FAT2: variants seen among roughly 807,000 people sequenced by gnomAD.
FAT2 encodes the protein protocadherin Fat 2.
FAT2 carries 150 observed loss-of-function variants against 295.3 expected under a neutral mutation model. That is an observed-to-expected ratio of 0.51 (90% confidence interval 0.44 to 0.58). FAT2 has a LOEUF of 0.58. FAT2 is among the 20% of genes least tolerant of loss of function. The pLI, the probability that FAT2 is intolerant of heterozygous loss-of-function variation, is 0.00. For missense variants in FAT2, 4,868 were observed against 5,442.7 expected, an observed-to-expected ratio of 0.89 and a Z score of 3.32; for synonymous variants, 2,026 against 2,150.3, an observed-to-expected ratio of 0.94 and a Z score of 1.60.
At chr5:151,538,266 A>G (rs1430099136) in intron 11 of FAT2, among the ~76,000 whole-genome samples, 1 of 152,252 alleles carries the variant, frequency 6.6e-6, no homozygotes, top group Non-Finnish European at 1.5e-5. Context: ...AGGCAGGGCT[A>G]GAAGGGACTG....
At chr5:151,565,652 A>AAC in intron 2 of FAT2, 21 bp downstream of exon 2, 1 of 621,990 alleles carries the variant, frequency 1.6e-6, no homozygotes, top group Non-Finnish European at 2.3e-6. Context: ...CTGGCACCCC[A>AAC]CCCTACCCCA....
At chr5:151,570,356 C>T (rs1190468505) in intron 1 of FAT2, among the ~76,000 whole-genome samples, 1 of 152,236 alleles carries the variant, frequency 6.6e-6, no homozygotes, top group Non-Finnish European at 1.5e-5. Flanking sequence ...TCTGTCCCTG[C>T]TTTTCATCAT....
In FAT2 at chr5:151,521,726, C is replaced by A. The variant is rs746125964; in HGVS notation, c.10867G>T (p.Gly3623Trp). The change falls in exon 19 of 24, where the codon GGG (glycine) becomes TGG (tryptophan). Residue 3623 changes from glycine to tryptophan, a missense_variant. Transcript: ENST00000261800. ...AGVHVYVWHV[G>W]QEALQQAMWM... is the part of the protein sequence containing the mutation. ...ATGGCCTGCTGCAGAGCCTCCTGCC[C>A]CACATGCCACACGTACACATGGACC... The A allele has an allele frequency of 6.2e-7, 1 of 1,614,020 alleles. No homozygotes were observed. The highest frequency in any genetic ancestry group is 8.5e-7 in the Non-Finnish European group (1 of 1,180,028).
At chr5:151,537,703 G>C (rs1292513145) in intron 12 of FAT2, 90 bp downstream of exon 12, 5 of 1,326,180 alleles carry the variant, frequency 3.8e-6, no homozygotes, top group Admixed American at 4.4e-5. Flanking sequence ...GTGAATTCCT[G>C]TTTCTTCTCC....
chr5:151,527,123 G>A, intron 17 of FAT2, 111 bp downstream of exon 17: 2 of 1,148,048 alleles, frequency 1.7e-6, no homozygotes, highest in Non-Finnish European at 2.5e-6. Flanking sequence ...GGACATCAGT[G>A]GCAAAGTCAC....
Position 151,506,129 on chromosome 5 carries a change from A to AT in FAT2, c.12518-33dup, listed in dbSNP as rs140383243. 0.036 allele frequency: 54,043 copies of AT among 1,489,886 alleles called. 1,151 individuals are homozygous for AT. The highest frequency in any genetic ancestry group is 0.04 in the Non-Finnish European group (45,515 of 1,128,712). 92.3% of individuals were successfully genotyped at this position (1,489,886 alleles called of 1,614,324 possible). A position where few individuals can be genotyped will look rare whatever the true frequency, so the allele number is the denominator to read the frequency against. On this transcript the variant is annotated intron_variant, in intron 23 of 23. Coordinates refer to ENST00000261800, the MANE Select transcript of FAT2 (RefSeq NM_001447.3). ...GGGAACAGCAAGATAGGGTGAGCTC[A>AT]TTTTCTCCCCGGAAGGTTTCAGCTG...
intron 6 of FAT2, 36 bp downstream of exon 6, chr5:151,553,141 G>A (rs2127626454): frequency 6.3e-7 from 1 of 1,590,434 alleles, no homozygotes; most frequent in Non-Finnish European, 8.6e-7. Flanking sequence ...AGGATGGGAG[G>A]GGTTGGCCCT....
Position 151,531,446 on chromosome 5 carries a change from G to T in FAT2, c.9811+141C>A. 8.5e-7 allele frequency: 1 copy of T among 1,181,016 alleles called. No homozygotes were observed. The highest frequency in any genetic ancestry group is 1.2e-6 in the Non-Finnish European group (1 of 849,172). 73.2% of individuals were successfully genotyped at this position (1,181,016 alleles called of 1,614,324 possible). ...GGAGGGACCTGGTACTCGGAGAGAA[G>T]CAGAAGAGAATGGAGAAACGACCAG... is the stretch of plus-strand genomic sequence containing the variant. On this transcript the variant is annotated intron_variant, in intron 14 of 23. Transcript: ENST00000261800. This position sits in a 1 kb window ranked among gnomAD's most constrained non-coding sequence, Gnocchi z 5.7.
At chr5:151,565,523 A>T (rs932014956) in intron 2 of FAT2, 150 bp downstream of exon 2, 10 of 760,872 alleles carry the variant, frequency 1.3e-5, no homozygotes, top group Non-Finnish European at 1.8e-5. Flanking sequence ...AATTAAAAAT[A>T]AAATACACAG....
In FAT2 at chr5:151,529,292, C is replaced by A; in HGVS notation, c.9912G>T (p.Val3304=). The A allele has an allele frequency of 6.2e-7, 1 of 1,614,078 alleles. No individual in the cohort carries two copies. Among genetic ancestry groups the A allele is most frequent in the Non-Finnish European group, 8.5e-7 (1 of 1,179,992 alleles). ...SRKSSSSLSD[V]TTVMVNITDV... is the part of the protein sequence containing the mutation. ...CAGTGATGTTGACCATGACTGTGGT[C>A]ACGTCACTGAGGGAAGAGGAGCTCT... Residue 3304 remains valine (V), a synonymous_variant, in exon 15 of 24, where the codon GTG becomes GTT. Transcript: ENST00000261800.
intron 11 of FAT2, among the ~76,000 whole-genome samples, chr5:151,540,200 G>C (rs1047545641): frequency 3.3e-5 from 5 of 152,190 alleles, no homozygotes; most frequent in Admixed American, 3.3e-4. Context: ...CATGAGTCTT[G>C]AACAGCTTGG....
chr5:151,587,147 A>C (rs933431941), intron 1 of FAT2, among the ~76,000 whole-genome samples: 1 of 148,606 alleles, frequency 6.7e-6, no homozygotes, highest in Non-Finnish European at 1.5e-5. Flanking sequence ...GTCTCAAAAA[A>C]ACAAAAAACA....
intron 11 of FAT2, among the ~76,000 whole-genome samples, chr5:151,538,228 G>A (rs1270355948): frequency 1.3e-5 from 2 of 152,164 alleles, no homozygotes; most frequent in South Asian, 2.1e-4. Context: ...AAGAGAGAAT[G>A]GAGAAGTTCT....
chr5:151,536,515 G>C (rs1327177934), intron 12 of FAT2, among the ~76,000 whole-genome samples: 1 of 152,048 alleles, frequency 6.6e-6, no homozygotes, highest in Non-Finnish European at 1.5e-5. Context: ...ACCCTCCCCT[G>C]CAGCAGCAGG....
intron 20 of FAT2, among the ~76,000 whole-genome samples, chr5:151,514,928 T>C (rs1317459151): frequency 6.6e-6 from 1 of 152,238 alleles, no homozygotes; most frequent in African/African-American, 2.4e-5. Flanking sequence ...CATGGTGTTA[T>C]TGCTCTAATC....
At chr5:151,563,045 T>G (rs753846119) in intron 3 of FAT2, among the ~76,000 whole-genome samples, 8 of 152,278 alleles carry the variant, frequency 5.3e-5, no homozygotes, top group African/African-American at 1.7e-4. Flanking sequence ...GAAAGAAACA[T>G]GAAGACAGAT....
At chr5:151,526,060 A>G in intron 17 of FAT2, 95 bp from the exon 18 acceptor site, 1 of 1,192,162 alleles carries the variant, frequency 8.4e-7, no homozygotes, top group Middle Eastern at 2.2e-4. Context: ...ATGAGTCCTC[A>G]GCACTCTGAC....
upstream of FAT2, among the ~76,000 whole-genome samples, chr5:151,592,015 C>T (rs1759430277): frequency 6.6e-6 from 1 of 152,210 alleles, no homozygotes; most frequent in African/African-American, 2.4e-5. Flanking sequence ...ATGGAGGTAA[C>T]AAGAATACCT....
At chr5:151,575,956 G>C (rs1758730708) in intron 1 of FAT2, among the ~76,000 whole-genome samples, 1 of 152,130 alleles carries the variant, frequency 6.6e-6, no homozygotes, top group African/African-American at 2.4e-5. Context: ...AATTTTAAAA[G>C]ACACATGTGA....
Sources: gnomAD v4.1 joint callset for allele counts (sites outside exome capture counted in the v4.1 genomes callset) on GRCh38, gnomAD v4.1.1 for gene constraint, Gnocchi (gnomAD v3.1) non-coding constraint, MANE v1.5 for transcripts, NCBI Gene and HGNC (gene_info 2026-07-23, HGNC 2026-07-21) for gene names.